Variants in KAZN observed in about 807,000 individuals in gnomAD.
KAZN encodes kazrin.
Under a neutral mutation model 87.4 loss-of-function variants are expected in KAZN, and 40 were observed. That is an observed-to-expected ratio of 0.46 (90% CI 0.36 to 0.60). KAZN has a LOEUF of 0.60. KAZN is among the 20% of genes least tolerant of loss of function. The pLI is 0.00. For missense variants in KAZN, 898 were observed against 1,073.9 expected (o/e 0.84, Z 2.29); for synonymous variants, 466 against 458.3 (o/e 1.02, Z -0.22).
chr1:13,921,635 T>TC (rs1640071167), intron 1 of KAZN, among the ~76,000 whole-genome samples: 1 of 152,120 alleles, frequency 6.6e-6, no homozygotes, highest in African/African-American at 2.4e-5. Context: ...TGTTTGCATT[T>TC]TTTTTTTTGA....
chr1:14,407,025 C>T (rs1663908972), intron 2 of KAZN, among the ~76,000 whole-genome samples: 2 of 152,286 alleles, frequency 1.3e-5, no homozygotes, highest in African/African-American at 4.8e-5. Context: ...ATGAGTACCC[C>T]CAAAATAGAT....
chr1:14,039,476 T>C (rs1641708090), intron 1 of KAZN, among the ~76,000 whole-genome samples: 2 of 152,300 alleles, frequency 1.3e-5, no homozygotes, highest in Admixed American at 6.5e-5. Context: ...CCCTAACATC[T>C]AGCAATGCAA....
chr1:15,029,621 G>A (rs1025934877), intron 2 of KAZN, among the ~76,000 whole-genome samples: 2 of 152,218 alleles, frequency 1.3e-5, no homozygotes, highest in Non-Finnish European at 2.9e-5. Context: ...CCATTTGTGA[G>A]AGGAAAGGCC....
chr1:14,675,155 A>G (rs1488486350), intron 1 of KAZN, among the ~76,000 whole-genome samples: 1 of 152,210 alleles, frequency 6.6e-6, no homozygotes, highest in African/African-American at 2.4e-5. Context: ...CCTCCTACCA[A>G]GGATGTCCTG....
intron 1 of KAZN, among the ~76,000 whole-genome samples, chr1:14,603,195 G>A (rs924951157): frequency 6.6e-6 from 1 of 152,204 alleles, no homozygotes; most frequent in Admixed American, 6.5e-5. Context: ...AATTCATTCT[G>A]CCTCTGCTCT....
At chr1:14,843,026 A>G (rs1648206217) in intron 1 of KAZN, among the ~76,000 whole-genome samples, 1 of 152,166 alleles carries the variant, frequency 6.6e-6, no homozygotes, top group South Asian at 2.1e-4. Flanking sequence ...GGTGGATGAA[A>G]CTTGAGCTCT....
At chr1:14,711,893 A>C (rs1050752856) in intron 1 of KAZN, among the ~76,000 whole-genome samples, 1 of 152,232 alleles carries the variant, frequency 6.6e-6, no homozygotes, top group African/African-American at 2.4e-5. Context: ...TGAGACACTC[A>C]GTGTTGCCTC....
intron 1 of KAZN, among the ~76,000 whole-genome samples, chr1:14,619,013 G>C (rs1178730011): frequency 6.6e-6 from 1 of 152,144 alleles, no homozygotes; most frequent in Non-Finnish European, 1.5e-5. Context: ...TGGCTTGTTG[G>C]AGGAGCAGCC....
intron 1 of KAZN, among the ~76,000 whole-genome samples, chr1:14,737,608 A>G (rs1364894222): frequency 2.0e-5 from 3 of 152,354 alleles, no homozygotes; most frequent in African/African-American, 4.8e-5. Flanking sequence ...AAGTCTGGCC[A>G]TGGCTGAACT....
At chr1:14,141,736 G>A (rs575382303) in intron 1 of KAZN, among the ~76,000 whole-genome samples, 8 of 152,234 alleles carry the variant, frequency 5.3e-5, no homozygotes, top group African/African-American at 1.4e-4. Flanking sequence ...AAAAATCAGC[G>A]AGTTTTGGCA....
intron 1 of KAZN, among the ~76,000 whole-genome samples, chr1:14,136,554 G>A (rs530541750): frequency 6.6e-6 from 1 of 152,246 alleles, no homozygotes; most frequent in South Asian, 2.1e-4. Flanking sequence ...AAGACAGAAT[G>A]CTGCAGAAAG....
chr1:15,104,758 T>C (rs1403951499), intron 13 of KAZN, among the ~76,000 whole-genome samples: 11 of 152,168 alleles, frequency 7.2e-5, no homozygotes, highest in Non-Finnish European at 1.6e-4. Context: ...GCACTTAGGG[T>C]TAGATGACCA....
intron 2 of KAZN, among the ~76,000 whole-genome samples, chr1:14,994,247 C>T (rs989087240): frequency 4.6e-5 from 7 of 152,232 alleles, no homozygotes; most frequent in African/African-American, 2.4e-5. Flanking sequence ...CTGGCACCTC[C>T]GGGCACACTT....
chr1:14,055,922 A>G (rs978132531), intron 1 of KAZN, among the ~76,000 whole-genome samples: 1 of 152,196 alleles, frequency 6.6e-6, no homozygotes, highest in African/African-American at 2.4e-5. Flanking sequence ...TTTCCCCACC[A>G]GGGTCTTAAT....
intron 1 of KAZN, among the ~76,000 whole-genome samples, chr1:14,953,184 G>A (rs1662698292): frequency 6.6e-6 from 1 of 152,230 alleles, no homozygotes. Context: ...CCCTTCTCCA[G>A]GGGCTGTGTG....
intron 1 of KAZN, among the ~76,000 whole-genome samples, chr1:14,098,321 C>T (rs1644174464): frequency 6.6e-6 from 1 of 150,476 alleles, no homozygotes; most frequent in Non-Finnish European, 1.5e-5. Flanking sequence ...CTGAAAGCCT[C>T]TTCCAAACAA....
intron 2 of KAZN, among the ~76,000 whole-genome samples, chr1:14,974,840 A>G (rs1665436317): frequency 6.6e-6 from 1 of 152,188 alleles, no homozygotes; most frequent in African/African-American, 2.4e-5. Context: ...GGGTATTTTC[A>G]CTGTCTTGAT....
intron 1 of KAZN, among the ~76,000 whole-genome samples, chr1:14,035,717 T>C (rs1641527310): frequency 1.3e-5 from 2 of 151,740 alleles, no homozygotes; most frequent in Non-Finnish European, 2.9e-5. Context: ...TCAGGTGATC[T>C]GCCCGCCTCG....
chr1:14,425,899 C>T (rs1665696694), intron 2 of KAZN, among the ~76,000 whole-genome samples: 1 of 152,202 alleles, frequency 6.6e-6, no homozygotes, highest in African/African-American at 2.4e-5. Flanking sequence ...CAGGTGCACT[C>T]AACACATTCA....
Sources: allele counts gnomAD v4.1 joint callset (sites outside exome capture counted in the v4.1 genomes callset), GRCh38; gene constraint gnomAD v4.1.1; transcripts MANE v1.5; gene names NCBI Gene and HGNC (gene_info 2026-07-23, HGNC 2026-07-21).